Variants in SRRT observed in about 807,000 individuals in gnomAD.
SRRT encodes the protein serrate, RNA effector molecule, also known as serrate RNA effector molecule homolog.
Under a neutral mutation model 103.2 loss-of-function variants are expected in SRRT, and 32 were observed. The observed-to-expected ratio is 0.31, with a 90% CI of 0.23 to 0.42. The LOEUF (loss-of-function observed/expected upper bound fraction) is 0.42, where lower values mean the gene tolerates loss of function less well. SRRT is among the 10% of genes least tolerant of loss of function. The pLI is 1.00. For synonymous variants in SRRT, 525 were observed against 449.0 expected, an observed-to-expected ratio of 1.17 and a Z score of -2.14; for missense variants, 986 against 1,207.5, an observed-to-expected ratio of 0.82 and a Z score of 2.72.
At position 100,885,507 on chromosome 7, in the gene SRRT, C is replaced by T. The variant is rs775440071; in HGVS notation, c.1317+137C>T. 38 of 1,124,168 alleles carry T rather than the reference C, an allele frequency of 3.4e-5. No homozygotes were observed. Among genetic ancestry groups the T allele is most frequent in the South Asian group, 6.2e-5 (4 of 64,788 alleles). The allele number at this position is 1,124,168 out of a possible 1,614,324, so 69.6% of individuals were successfully genotyped here. A position where few individuals can be genotyped will look rare whatever the true frequency, so the allele number is the denominator to read the frequency against. On this transcript the variant is annotated intron_variant, in intron 10 of 19. Coordinates refer to ENST00000611405, the MANE Select transcript of SRRT (RefSeq NM_015908.6). The surrounding 1 kb of genome is among the most constrained non-coding windows in gnomAD (Gnocchi z 4.8). ...CCCCTTCCCCAGGTTCCATGGCCTC[C>T]GAGGACTAGTCCTGATAGCGCCATT...
At position 100,885,324 on chromosome 7, in the gene SRRT, TC is replaced by T; in HGVS notation, c.1272del (p.Phe424LeufsTer44). On this transcript the variant is annotated frameshift_variant, in exon 10 of 20. Transcript: ENST00000611405. LOFTEE classifies it high-confidence loss of function. The surrounding 1 kb of genome is among the most constrained non-coding windows in gnomAD (Gnocchi z 4.8). ...PRPLHKTCSLFMRNIAPNISR... is the reference protein window; with the variant it reads ...PRPLHKTCSLXMRNIAPNISR... Reference sequence around the variant, plus strand: ...CCGCTGCATAAGACCTGCTCCCTCTTCATGCGCAACATCGCGCCCAACATCT... The same window carrying T: ...CCGCTGCATAAGACCTGCTCCCTCTTATGCGCAACATCGCGCCCAACATCT... 2 of 1,614,078 alleles carry T rather than the reference TC, an allele frequency of 1.2e-6. No homozygotes were observed. The highest frequency in any genetic ancestry group is 1.7e-6 in the Non-Finnish European group (2 of 1,179,988).
chr7:100,878,194 C>A (rs1311325717), intron 2 of SRRT, among the ~76,000 whole-genome samples: 1 of 152,014 alleles, frequency 6.6e-6, no homozygotes, highest in African/African-American at 2.4e-5. Context: ...TGCCTGTAGT[C>A]CCGGCAACTC....
Position 100,887,338 on chromosome 7 carries a change from C to T in SRRT, c.1994C>T (p.Thr665Ile). The change falls in exon 16 of 20, where the codon ACT becomes ATT. Residue 665 changes from threonine to isoleucine, a missense_variant. By Grantham distance (89) the Thr-to-Ile change is moderately conservative. Transcript: ENST00000611405. This position sits in a 1 kb window ranked among gnomAD's most constrained non-coding sequence, Gnocchi z 4.1. ...SHGEVLEWQK[T>I]FEEKLTPLLS... is the part of the protein sequence containing the mutation. ...ACCACAGTGCTGGAGTGGCAGAAGA[C>T]TTTTGAGGAGAAGCTCACGCCGTTG... The T allele has an allele frequency of 1.9e-6, 3 of 1,614,066 alleles. No homozygotes were observed. Among genetic ancestry groups the T allele is most frequent in the Non-Finnish European group, 2.5e-6 (3 of 1,179,984 alleles).
In SRRT at chr7:100,884,738, A is replaced by G; in HGVS notation, c.943-2A>G. 6.2e-7 allele frequency: 1 copy of G among 1,613,702 alleles called. No individual in the cohort carries two copies. Among genetic ancestry groups the G allele is most frequent in the Non-Finnish European group, 8.5e-7 (1 of 1,179,688 alleles). ...ATCCCCAGTGGTTGTCTCTTACCATAGGCTGAGAATGACAGTTCTAATGAT... is the reference window on the plus strand; with the variant it reads ...ATCCCCAGTGGTTGTCTCTTACCATGGGCTGAGAATGACAGTTCTAATGAT... On this transcript the variant is annotated splice_acceptor_variant, in intron 7 of 19. Coordinates refer to ENST00000611405, the MANE Select transcript of SRRT (RefSeq NM_015908.6). LOFTEE classifies it high-confidence loss of function.
Position 100,881,768 on chromosome 7 carries a change from C to G in SRRT, c.361C>G (p.His121Asp). Residue 121 changes from histidine to aspartate, a missense_variant, in exon 4 of 20, where the codon CAC (histidine) becomes GAC (aspartate). Transcript: ENST00000611405. The part of the protein sequence containing the change: ...PPQPWGHPDV[H>D]IMQHHVLPIQ... The stretch of plus-strand genomic sequence containing the variant: ...TCAGCCCTGGGGCCACCCTGACGTC[C>G]ACATCATGCAGCACCATGTCCTGCC... 6.2e-7 allele frequency: 1 copy of G among 1,613,384 alleles called. No individual in the cohort carries two copies. Among genetic ancestry groups the G allele is most frequent in the Non-Finnish European group, 8.5e-7 (1 of 1,179,832 alleles).
intron 3 of SRRT, 29 bp from the exon 4 acceptor site, chr7:100,881,630 T>G: frequency 6.2e-7 from 1 of 1,613,604 alleles, no homozygotes. Flanking sequence ...CTCCCTTCTC[T>G]GCTTTACTTT....
Position 100,881,808 on chromosome 7 carries a change from A to G in SRRT, c.398+3A>G. On this transcript the variant is annotated splice_donor_region_variant and intron_variant, in intron 4 of 19. Coordinates refer to ENST00000611405, the MANE Select transcript of SRRT (RefSeq NM_015908.6). ...CATGTCCTGCCTATCCAGGCCAGGT[A>G]AGGGTGGGGCTTCTCAGAAGAGGGT... 1 of 1,601,692 alleles carries G rather than the reference A, an allele frequency of 6.2e-7. No individual in the cohort carries two copies. Among genetic ancestry groups the G allele is most frequent in the Non-Finnish European group, 8.5e-7 (1 of 1,175,328 alleles).
chr7:100,881,219 G>T (rs933560728), intron 2 of SRRT, 66 bp from the exon 3 acceptor site: 1 of 1,553,254 alleles, frequency 6.4e-7, no homozygotes, highest in Non-Finnish European at 8.8e-7. Flanking sequence ...CCTCAAAAGT[G>T]CTTGGATTAC....
chr7:100,884,279 T>TG, intron 6 of SRRT, 40 bp downstream of exon 6: 3 of 1,611,572 alleles, frequency 1.9e-6, no homozygotes, highest in Non-Finnish European at 2.5e-6. Flanking sequence ...CTGGGCCCCA[T>TG]GGGGGTGGGG....
chr7:100,887,919 G>A lies in SRRT; in HGVS notation c.2326+60G>A. The stretch of plus-strand genomic sequence containing the variant: ...CTTCCTTGACTACCCAGGGACTCCT[G>A]TTTCTCTTTAACGTGTCACCCCGAG... On this transcript the variant is annotated intron_variant, in intron 17 of 19. Transcript: ENST00000611405. The surrounding 1 kb of genome is among the most constrained non-coding windows in gnomAD (Gnocchi z 4.1). The A allele has an allele frequency of 1.9e-6, 3 of 1,563,104 alleles. No homozygotes were observed. Among genetic ancestry groups the A allele is most frequent in the South Asian group, 1.2e-5 (1 of 86,344 alleles).
chr7:100,886,591 C>G, intron 13 of SRRT, 156 bp downstream of exon 13: 1 of 952,774 alleles, frequency 1.0e-6, no homozygotes, highest in Non-Finnish European at 1.6e-6. Context: ...CCTCCAGATT[C>G]CAGCAGAACT....
chr7:100,880,471 T>A (rs1816190642), intron 2 of SRRT, among the ~76,000 whole-genome samples: 1 of 151,728 alleles, frequency 6.6e-6, no homozygotes, highest in Non-Finnish European at 1.5e-5. Context: ...CCTGGCTAAT[T>A]TTTTTTTGTA....
intron 2 of SRRT, 68 bp from the exon 3 acceptor site, chr7:100,881,217 G>A (rs1816284231): frequency 1.3e-6 from 2 of 1,549,986 alleles, no homozygotes; most frequent in Non-Finnish European, 1.8e-6. Context: ...GGCCTCAAAA[G>A]TGCTTGGATT....
chr7:100,888,033 T>A lies in SRRT; in HGVS notation c.2327-9T>A. On this transcript the variant is annotated splice_polypyrimidine_tract_variant and intron_variant, in intron 17 of 19. Coordinates refer to ENST00000611405, the MANE Select transcript of SRRT (RefSeq NM_015908.6). ...GCCCCCGCAGTAATTCATGTCCCTG[T>A]CCGTGTTGTACTCCCCCCAGGTTTG... 6 of 1,536,112 alleles carry A rather than the reference T, an allele frequency of 3.9e-6. No individual in the cohort carries two copies. The highest frequency in any genetic ancestry group is 5.2e-6 in the Non-Finnish European group (6 of 1,145,438).
chr7:100,887,573 G>T lies in SRRT; in HGVS notation c.2169+60G>T. On this transcript the variant is annotated intron_variant, in intron 16 of 19. Transcript: ENST00000611405. This position sits in a 1 kb window ranked among gnomAD's most constrained non-coding sequence, Gnocchi z 4.1. ...GTGGGAGGTGGGGTTGAGACAGGAAGCCCCCTGGGCAGGGGTGGGGGAACT... is the reference window on the plus strand; with the variant it reads ...GTGGGAGGTGGGGTTGAGACAGGAATCCCCCTGGGCAGGGGTGGGGGAACT... The T allele has an allele frequency of 6.3e-7, 1 of 1,590,950 alleles. No individual in the cohort carries two copies.
chr7:100,880,853 T>G, intron 2 of SRRT: 1 of 300,448 alleles, frequency 3.3e-6, no homozygotes, highest in South Asian at 2.5e-5. Context: ...TGGAGAACCA[T>G]CAGTTCTTGG....
chr7:100,883,994 T>C (rs1789823938), intron 5 of SRRT, 76 bp from the exon 6 acceptor site: 1 of 1,481,292 alleles, frequency 6.8e-7, no homozygotes, highest in Admixed American at 2.3e-5. Context: ...GCCCTGTCTT[T>C]CCTGGGCCCC....
rs1311625867 is a variant in SRRT, at chr7:100,885,895, G to A, written c.1412G>A (p.Arg471His). ...FFRRGWVTFD[R>H]SVNIKEICWN... ...CGTCGTGGCTGGGTGACCTTCGACCGCAGTGTTAACATTAAAGAGATCTGT... is the reference window on the plus strand; with the variant it reads ...CGTCGTGGCTGGGTGACCTTCGACCACAGTGTTAACATTAAAGAGATCTGT... The change falls in exon 12 of 20, where the codon CGC becomes CAC. Residue 471 changes from arginine to histidine, a missense_variant. Coordinates refer to ENST00000611405, the MANE Select transcript of SRRT (RefSeq NM_015908.6). The surrounding 1 kb of genome is among the most constrained non-coding windows in gnomAD (Gnocchi z 4.8). 2.5e-6 allele frequency: 4 copies of A among 1,613,962 alleles called. No homozygotes were observed. Among genetic ancestry groups the A allele is most frequent in the Admixed American group, 1.7e-5 (1 of 59,986 alleles).
intron 2 of SRRT, among the ~76,000 whole-genome samples, chr7:100,878,120 T>C (rs1031189905): frequency 1.3e-5 from 2 of 152,106 alleles, no homozygotes; most frequent in African/African-American, 2.4e-5. Flanking sequence ...GAGACCAACC[T>C]GGGCAACGTG....
Sources: allele counts gnomAD v4.1 joint callset (sites outside exome capture counted in the v4.1 genomes callset), GRCh38; gene constraint gnomAD v4.1.1; non-coding constraint Gnocchi (gnomAD v3.1); transcripts MANE v1.5; gene names NCBI Gene and HGNC (gene_info 2026-07-23, HGNC 2026-07-21).